C1QTNF6: variants seen among roughly 807,000 people sequenced by gnomAD.
C1QTNF6 encodes the protein C1q and TNF related 6.
Under a neutral mutation model 20.7 loss-of-function variants are expected in C1QTNF6, and 17 were observed. That is an observed-to-expected ratio of 0.82 (90% CI 0.56 to 1.23). The LOEUF is 1.23. C1QTNF6 is among the 50% of genes most tolerant of loss of function. C1QTNF6 has a pLI of 0.00. For synonymous variants in C1QTNF6, 130 were observed against 156.3 expected, an observed-to-expected ratio of 0.83 and a Z score of 1.25; for missense variants, 329 against 389.7, an observed-to-expected ratio of 0.84 and a Z score of 1.31.
rs565784866 is a variant in C1QTNF6 at position 37,181,671 on chromosome 22, G to A, written c.*517C>T. The A allele has an allele frequency of 6.4e-6, 1 of 155,948 alleles. No homozygotes were observed. The highest frequency in any genetic ancestry group is 2.4e-5 in the African/African-American group (1 of 41,460). 9.7% of individuals were successfully genotyped at this position (155,948 alleles called of 1,614,324 possible). A position where few individuals can be genotyped will look rare whatever the true frequency, so the allele number is the denominator to read the frequency against. ...CCACTGCACTCTAGCCTGGGCAACA[G>A]AGCAAGACTCTGTCTCAAGAAAAAA... On this transcript the variant is annotated 3_prime_UTR_variant, in exon 3 of 3. Transcript: ENST00000337843.
In C1QTNF6 at chr22:37,182,441, A is replaced by T. The variant is rs1923868585; in HGVS notation, c.584T>A (p.Leu195His). ...CTTGTAATTCCAGCTGTGCACATTG[A>T]GGCTGAAGAAGTAGATGCCACGCAG... ...APLRGIYFFS[L>H]NVHSWNYKET... The change falls in exon 3 of 3, where the codon CTC becomes CAC. Residue 195 changes from leucine to histidine, a missense_variant. By Grantham distance (99) the Leu-to-His change is moderately conservative. Coordinates refer to ENST00000337843, the MANE Select transcript of C1QTNF6 (RefSeq NM_031910.4). 1.1e-5 allele frequency: 17 copies of T among 1,614,142 alleles called. No individual in the cohort carries two copies. The highest frequency in any genetic ancestry group is 1.3e-5 in the Non-Finnish European group (15 of 1,180,050).
intron 2 of C1QTNF6, among the ~76,000 whole-genome samples, chr22:37,193,853 A>G (rs549717226): frequency 6.6e-6 from 1 of 152,254 alleles, no homozygotes; most frequent in Non-Finnish European, 1.5e-5. Flanking sequence ...CAAAGGTCAC[A>G]TAGATATTAA....
chr22:37,193,836 TA>T (rs1318081815), intron 2 of C1QTNF6, among the ~76,000 whole-genome samples: 1 of 152,124 alleles, frequency 6.6e-6, no homozygotes, highest in Non-Finnish European at 1.5e-5. Context: ...AGAAAATGAA[TA>T]AATGGCAAAG....
exon 1 of C1QTNF6, chr22:37,197,708 G>C (rs1410639373): frequency 6.6e-6 from 1 of 152,244 alleles, no homozygotes; most frequent in Non-Finnish European, 1.5e-5. Flanking sequence ...GAGCAGACAA[G>C]AGAGAACTCT....
upstream of C1QTNF6, among the ~76,000 whole-genome samples, chr22:37,188,703 C>T (rs1924602231): frequency 6.6e-6 from 1 of 152,254 alleles, no homozygotes; most frequent in African/African-American, 2.4e-5. Context: ...CCTGCTACCA[C>T]AGTCGCGTCG....
At chr22:37,194,672 T>A (rs1301010533) in intron 2 of C1QTNF6, among the ~76,000 whole-genome samples, 1 of 152,162 alleles carries the variant, frequency 6.6e-6, no homozygotes, top group Admixed American at 6.5e-5. Context: ...GAAACCAAAT[T>A]AACATTTTCC....
intron 2 of C1QTNF6, among the ~76,000 whole-genome samples, chr22:37,194,585 T>C (rs988544519): frequency 6.6e-6 from 1 of 152,122 alleles, no homozygotes; most frequent in African/African-American, 2.4e-5. Context: ...CAAAAGAAAA[T>C]CGTCTTTTTC....
upstream of C1QTNF6, among the ~76,000 whole-genome samples, chr22:37,198,807 C>A (rs1925308333): frequency 6.6e-6 from 1 of 151,906 alleles, no homozygotes; most frequent in African/African-American, 2.4e-5. Context: ...GCAACCCCCA[C>A]CCCCCACACA....
At position 37,185,276 on chromosome 22, in the gene C1QTNF6, G is replaced by A. The variant is rs199499121; in HGVS notation, c.231C>T (p.Ser77=). 1.5e-5 allele frequency: 24 copies of A among 1,608,968 alleles called. No individual in the cohort carries two copies. The highest frequency in any genetic ancestry group is 2.2e-5 in the East Asian group (1 of 44,728). ...TCTCAGGCAGGGCGTGGGGGCGGCC[G>A]GAGGAAGAGGCTGAGGATACATGGG... ...DPAHVSSASS[S]GRPHALPEIR... The change falls in exon 2 of 3, where the codon TCC becomes TCT. Residue 77 remains serine, a synonymous_variant. Transcript: ENST00000337843.
chr22:37,182,955 C>T (rs4821596), intron 2 of C1QTNF6: 283,662 of 1,412,730 alleles, frequency 0.2, 30,389 homozygotes, highest in East Asian at 0.46. Flanking sequence ...TGACTCACCC[C>T]GGGCCACACA....
intron 1 of C1QTNF6, among the ~76,000 whole-genome samples, chr22:37,187,274 C>T (rs1243362824): frequency 6.6e-6 from 1 of 151,750 alleles, no homozygotes; most frequent in Non-Finnish European, 1.5e-5. Context: ...CAACATCCTC[C>T]CTGTCTGAGA....
intron 1 of C1QTNF6, chr22:37,186,083 G>A: frequency 2.0e-6 from 2 of 985,524 alleles, no homozygotes; most frequent in Non-Finnish European, 2.4e-6. Flanking sequence ...ATTGATCCTA[G>A]CAGACAGAAA....
intron 2 of C1QTNF6, among the ~76,000 whole-genome samples, chr22:37,183,214 A>C (rs1274426404): frequency 2.0e-5 from 3 of 152,214 alleles, no homozygotes; most frequent in African/African-American, 4.8e-5. Flanking sequence ...CCAGGTTAGG[A>C]GCCAGGAAGC....
At chr22:37,188,712 C>G (rs142359146), upstream of C1QTNF6, among the ~76,000 whole-genome samples, 3 of 152,224 alleles carry the variant, frequency 2.0e-5, no homozygotes, top group Non-Finnish European at 4.4e-5. Flanking sequence ...ACAGTCGCGT[C>G]GCCTCTCAGA....
At chr22:37,191,644 G>A (rs1924826302), upstream of C1QTNF6, 1 of 152,086 alleles carries the variant, frequency 6.6e-6, no homozygotes, top group Admixed American at 6.5e-5. Flanking sequence ...ACTCAAAGAT[G>A]TTTTTAAGGG....
intron 2 of C1QTNF6, among the ~76,000 whole-genome samples, chr22:37,195,158 G>A (rs145090268): frequency 2.1e-3 from 313 of 152,300 alleles, no homozygotes; most frequent in African/African-American, 7.3e-3. Context: ...GAGAATAGTG[G>A]TTAATATCCC....
In C1QTNF6 at chr22:37,182,209, G is replaced by C. The variant is rs1369756459; in HGVS notation, c.816C>G (p.Leu272=). The C allele has an allele frequency of 1.2e-6, 2 of 1,612,918 alleles. No individual in the cohort carries two copies. The highest frequency in any genetic ancestry group is 1.3e-5 in the African/African-American group (1 of 75,066). The change falls in exon 3 of 3, where the codon CTC becomes CTG. Residue 272 remains leucine, a synonymous_variant. Coordinates refer to ENST00000337843, the MANE Select transcript of C1QTNF6 (RefSeq NM_031910.4). ...FDTYITFSGH[L]IKAEDD Reference sequence around the variant, plus strand: ...GCCCTCAGTCGTCCTCGGCCTTGATGAGGTGGCCGCTGAAGGTGATGTAGG... The same window carrying C: ...GCCCTCAGTCGTCCTCGGCCTTGATCAGGTGGCCGCTGAAGGTGATGTAGG...
At chr22:37,192,611 G>T (rs752548447), upstream of C1QTNF6, among the ~76,000 whole-genome samples, 25 of 152,186 alleles carry the variant, frequency 1.6e-4, no homozygotes, top group Non-Finnish European at 2.9e-4. Flanking sequence ...ATATTTTAAT[G>T]TTACTGATAA....
upstream of C1QTNF6, among the ~76,000 whole-genome samples, chr22:37,191,983 C>T (rs1272283496): frequency 2.0e-5 from 3 of 152,078 alleles, no homozygotes; most frequent in African/African-American, 7.2e-5. Context: ...TCTAAGAAAA[C>T]CTTGTTATAC....
Sources: gnomAD v4.1 joint callset for allele counts (sites outside exome capture counted in the v4.1 genomes callset) on GRCh38, gnomAD v4.1.1 for gene constraint, MANE v1.5 for transcripts, NCBI Gene and HGNC (gene_info 2026-07-23, HGNC 2026-07-21) for gene names.